Variants in TFDP2 observed in about 807,000 individuals in gnomAD.
TFDP2 encodes the protein transcription factor Dp-2 (E2F dimerization partner 2).
In TFDP2, 17 loss-of-function variants were observed where a neutral mutation model predicts 59.3. That is an observed-to-expected ratio of 0.29 (90% confidence interval 0.20 to 0.43). TFDP2 has a LOEUF of 0.43. Ranked by LOEUF, TFDP2 falls within the 20% of genes least tolerant of loss-of-function variation. The pLI, the probability that TFDP2 is intolerant of heterozygous loss-of-function variation, is 1.00. For synonymous variants in TFDP2, 180 were observed against 194.7 expected, an observed-to-expected ratio of 0.92 and a Z score of 0.63; for missense variants, 391 against 528.8, an observed-to-expected ratio of 0.74 and a Z score of 2.56.
At chr3:142,004,278 T>A (rs1220435501) in intron 4 of TFDP2, among the ~76,000 whole-genome samples, 1 of 152,224 alleles carries the variant, frequency 6.6e-6, no homozygotes, top group Non-Finnish European at 1.5e-5. Flanking sequence ...AAATATCATG[T>A]CTAGAATGTG....
intron 3 of TFDP2, among the ~76,000 whole-genome samples, chr3:142,008,229 CTGAGCA>C (rs1250248622): frequency 6.6e-6 from 1 of 151,976 alleles, no homozygotes; most frequent in Non-Finnish European, 1.5e-5. Flanking sequence ...GCAGCCAGGG[CTGAGCA>C]CCACGGCTCT....
intron 1 of TFDP2, among the ~76,000 whole-genome samples, chr3:142,108,455 C>T (rs955547527): frequency 6.6e-6 from 1 of 152,118 alleles, no homozygotes; most frequent in South Asian, 2.1e-4. Context: ...AGTGACCCGC[C>T]CACCTCGGCC....
chr3:142,092,278 T>C (rs1050029771), intron 3 of TFDP2, among the ~76,000 whole-genome samples: 1 of 152,200 alleles, frequency 6.6e-6, no homozygotes, highest in Non-Finnish European at 1.5e-5. Context: ...AAGAGACATA[T>C]TGAAAGATAC....
intron 6 of TFDP2, among the ~76,000 whole-genome samples, chr3:141,991,268 A>G (rs1471881154): frequency 6.6e-6 from 1 of 152,220 alleles, no homozygotes; most frequent in Non-Finnish European, 1.5e-5. Flanking sequence ...AAAGTAATAT[A>G]CAACTTAAAT....
intron 1 of TFDP2, among the ~76,000 whole-genome samples, chr3:142,120,180 G>T (rs149314770): frequency 6.6e-6 from 1 of 151,308 alleles, no homozygotes; most frequent in Admixed American, 6.6e-5. Flanking sequence ...GGCCAACAGG[G>T]TGAAATCCTG....
intron 10 of TFDP2, 82 bp downstream of exon 10, chr3:141,963,730 G>C: frequency 6.8e-7 from 1 of 1,480,922 alleles, no homozygotes; most frequent in Non-Finnish European, 9.1e-7. Context: ...AACTAATAAA[G>C]TGCATCCTTC....
chr3:142,043,100 G>A (rs913686329), intron 3 of TFDP2, among the ~76,000 whole-genome samples: 1 of 150,478 alleles, frequency 6.6e-6, no homozygotes, highest in Non-Finnish European at 1.5e-5. Context: ...AGGCTGGAGT[G>A]CAGTGGCACG....
chr3:142,111,536 C>A (rs2061662864), intron 1 of TFDP2, among the ~76,000 whole-genome samples: 1 of 150,728 alleles, frequency 6.6e-6, no homozygotes, highest in Non-Finnish European at 1.5e-5. Flanking sequence ...GAGCTGAGCT[C>A]ACCAAAAAAA....
At chr3:142,103,542 G>C (rs1287968224) in intron 1 of TFDP2, among the ~76,000 whole-genome samples, 1 of 152,014 alleles carries the variant, frequency 6.6e-6, no homozygotes, top group Non-Finnish European at 1.5e-5. Context: ...AAATATTTAG[G>C]AGTGGAGGGG....
intron 3 of TFDP2, among the ~76,000 whole-genome samples, chr3:142,022,170 C>T (rs1945668475): frequency 6.6e-6 from 1 of 152,144 alleles, no homozygotes; most frequent in African/African-American, 2.4e-5. Flanking sequence ...TATGAGTGAT[C>T]ACAAGATTCA....
chr3:142,138,288 CT>C (rs1560184973), intron 1 of TFDP2, among the ~76,000 whole-genome samples: 1 of 152,130 alleles, frequency 6.6e-6, no homozygotes, highest in East Asian at 1.9e-4. Flanking sequence ...TGCTAGCGGT[CT>C]ATCAATTTTG....
intron 3 of TFDP2, among the ~76,000 whole-genome samples, chr3:142,012,741 T>C (rs367590295): frequency 4.6e-4 from 70 of 152,324 alleles, no homozygotes; most frequent in East Asian, 4.4e-3. Flanking sequence ...ACAAATTTAA[T>C]AGTGGTTAGC....
chr3:142,081,807 TAAC>T (rs1420748319), intron 3 of TFDP2, among the ~76,000 whole-genome samples: 1 of 152,050 alleles, frequency 6.6e-6, no homozygotes, highest in Non-Finnish European at 1.5e-5. Flanking sequence ...AACAGACCAA[TAAC>T]AAGTAACAAG....
At chr3:142,007,807 T>C (rs1297256298) in intron 3 of TFDP2, among the ~76,000 whole-genome samples, 1 of 152,152 alleles carries the variant, frequency 6.6e-6, no homozygotes, top group Non-Finnish European at 1.5e-5. Flanking sequence ...GCTCCTATGA[T>C]AATCTAATGC....
intron 3 of TFDP2, among the ~76,000 whole-genome samples, chr3:142,005,754 CTTAT>C (rs1944157967): frequency 6.6e-6 from 1 of 152,106 alleles, no homozygotes; most frequent in Non-Finnish European, 1.5e-5. Flanking sequence ...CATAACTAAT[CTTAT>C]TTATATTTTA....
At chr3:142,114,479 G>A (rs548684968) in intron 1 of TFDP2, among the ~76,000 whole-genome samples, 8 of 151,930 alleles carry the variant, frequency 5.3e-5, no homozygotes, top group African/African-American at 1.7e-4. Flanking sequence ...GTTTGCATAC[G>A]CTCCTCATCC....
intron 11 of TFDP2, among the ~76,000 whole-genome samples, chr3:141,956,900 G>GGAGA (rs1212669206): frequency 6.6e-6 from 1 of 151,648 alleles, no homozygotes; most frequent in African/African-American, 2.4e-5. Context: ...ACTCCAGCCT[G>GGAGA]GAGAGCAAGA....
At chr3:142,135,388 ATGTT>A (rs2062686128) in intron 1 of TFDP2, among the ~76,000 whole-genome samples, 1 of 152,026 alleles carries the variant, frequency 6.6e-6, no homozygotes, top group Non-Finnish European at 1.5e-5. Context: ...TAGCCTACAT[ATGTT>A]TAATTTCTTT....
At chr3:142,086,591 A>ACTTTATCTTTCT (rs2060817296) in intron 3 of TFDP2, among the ~76,000 whole-genome samples, 3 of 152,124 alleles carry the variant, frequency 2.0e-5, no homozygotes, top group African/African-American at 7.3e-5. Flanking sequence ...ACATAGGGCA[A>ACTTTATCTTTCT]GGTATGGAAG....
Sources: gnomAD v4.1 joint callset for allele counts (sites outside exome capture counted in the v4.1 genomes callset) on GRCh38, gnomAD v4.1.1 for gene constraint, MANE v1.5 for transcripts, NCBI Gene and HGNC (gene_info 2026-07-23, HGNC 2026-07-21) for gene names.